TMEM117: variants seen among roughly 807,000 people sequenced by gnomAD.
The protein encoded by TMEM117 is transmembrane protein 117.
In TMEM117, 27 loss-of-function variants were observed where a neutral mutation model predicts 52.4. That is an observed-to-expected ratio of 0.51 (90% CI 0.38 to 0.71). TMEM117 has a LOEUF of 0.71. Ranked by LOEUF, TMEM117 falls within the 30% of genes least tolerant of loss-of-function variation. TMEM117 has a pLI of 0.00. For missense variants in TMEM117, 556 were observed against 630.5 expected (o/e 0.88, Z 1.26); for synonymous variants, 215 against 206.3 (o/e 1.04, Z -0.36).
intron 6 of TMEM117, among the ~76,000 whole-genome samples, chr12:44,354,106 A>G (rs1009945760): frequency 2.0e-5 from 3 of 151,804 alleles, no homozygotes; most frequent in African/African-American, 4.8e-5. Context: ...TCTGTTATTG[A>G]TGTATAAGAA....
chr12:43,808,234 T>G, the TMEM117 span, among the ~76,000 whole-genome samples: 1 of 152,244 alleles, frequency 6.6e-6, no homozygotes, highest in African/African-American at 2.4e-5. Flanking sequence ...AAGATCTCTC[T>G]GCTTGTGCAG....
At chr12:44,208,121 G>T (rs1451985894) in intron 4 of TMEM117, among the ~76,000 whole-genome samples, 1 of 149,542 alleles carries the variant, frequency 6.7e-6, no homozygotes, top group African/African-American at 2.5e-5. Flanking sequence ...GGAAAGCAAA[G>T]ATTTCACTTA....
chr12:44,119,585 G>A (rs911595707), intron 3 of TMEM117, among the ~76,000 whole-genome samples: 1 of 152,110 alleles, frequency 6.6e-6, no homozygotes, highest in African/African-American at 2.4e-5. Flanking sequence ...GTTGTCCTTT[G>A]TAGTGACTTC....
rs377650346 is a variant in TMEM117 at position 44,303,135 on chromosome 12, C to T, written c.768+3396C>T. On this transcript the variant is annotated intron_variant, in intron 6 of 7. Coordinates refer to ENST00000266534, the MANE Select transcript of TMEM117 (RefSeq NM_032256.3). ...CTCGGCTCACTGCAACCTCTGCCTC[C>T]TGGGTTCAAGCGATTCTCCTGCCTC... Among the ~76,000 whole-genome samples the T allele has an allele frequency of 5.3e-5, 8 of 152,080 alleles. No individual in the cohort carries two copies. The South Asian group carries it at 1.7e-3, about 32-fold the overall frequency.
chr12:44,099,873 G>A (rs575096502), intron 3 of TMEM117, among the ~76,000 whole-genome samples: 6 of 152,038 alleles, frequency 3.9e-5, no homozygotes, highest in African/African-American at 7.2e-5. Context: ...AGAAGCTATA[G>A]CAGATTGGTA....
At chr12:44,214,118 T>C (rs1483606884) in intron 5 of TMEM117, among the ~76,000 whole-genome samples, 1 of 150,920 alleles carries the variant, frequency 6.6e-6, no homozygotes, top group Non-Finnish European at 1.5e-5. Flanking sequence ...ATCACCAATG[T>C]CTTACAAATT....
At chr12:44,151,850 A>G (rs1404085381) in intron 4 of TMEM117, among the ~76,000 whole-genome samples, 1 of 137,098 alleles carries the variant, frequency 7.3e-6, no homozygotes, top group African/African-American at 2.7e-5. Context: ...TATATATAAT[A>G]TATAATATTA....
At chr12:44,143,856 G>T (rs138917718) in intron 4 of TMEM117, among the ~76,000 whole-genome samples, 116 of 152,132 alleles carry the variant, frequency 7.6e-4, no homozygotes, top group African/African-American at 2.7e-3. Flanking sequence ...TCTGTCGATC[G>T]ATCTATCTAT....
intron 2 of TMEM117, among the ~76,000 whole-genome samples, chr12:43,882,235 G>A (rs1042473310): frequency 6.6e-5 from 10 of 151,970 alleles, no homozygotes; most frequent in Non-Finnish European, 1.2e-4. Flanking sequence ...CAAGGCGGGC[G>A]GATCACCTGA....
chr12:44,126,308 A>G (rs1257365839), intron 3 of TMEM117, among the ~76,000 whole-genome samples: 3 of 152,202 alleles, frequency 2.0e-5, no homozygotes, highest in African/African-American at 7.2e-5. Flanking sequence ...GGTCAACTGT[A>G]TGTGCTTTTA....
chr12:44,087,033 A>T, intron 3 of TMEM117, among the ~76,000 whole-genome samples: 1 of 147,944 alleles, frequency 6.8e-6, no homozygotes, highest in East Asian at 1.9e-4. Flanking sequence ...ATTATAAATT[A>T]TATAATTATA....
intron 3 of TMEM117, among the ~76,000 whole-genome samples, chr12:43,967,599 G>C (rs1333557683): frequency 6.6e-6 from 1 of 152,122 alleles, no homozygotes; most frequent in East Asian, 1.9e-4. Flanking sequence ...CCTGAGGCCT[G>C]CCAACAACCT....
chr12:44,340,294 A>G (rs1338402500), intron 6 of TMEM117, among the ~76,000 whole-genome samples: 1 of 152,148 alleles, frequency 6.6e-6, no homozygotes, highest in Non-Finnish European at 1.5e-5. Flanking sequence ...AAAGTTGATT[A>G]ATATAAATGG....
the TMEM117 span, among the ~76,000 whole-genome samples, chr12:43,825,297 C>T: frequency 6.6e-6 from 1 of 152,164 alleles, no homozygotes; most frequent in South Asian, 2.1e-4. Flanking sequence ...GGCTGGCCTA[C>T]CTGCTTTTAA....
intron 6 of TMEM117, among the ~76,000 whole-genome samples, chr12:44,359,576 C>T (rs1043314829): frequency 3.3e-5 from 5 of 151,860 alleles, no homozygotes; most frequent in Non-Finnish European, 7.4e-5. Context: ...CTCTTTTCTA[C>T]CAAAAGGCAG....
chr12:43,928,189 G>A (rs1352865704), intron 2 of TMEM117, among the ~76,000 whole-genome samples: 1 of 151,990 alleles, frequency 6.6e-6, no homozygotes, highest in African/African-American at 2.4e-5. Context: ...TCTCTAGAAC[G>A]TTTTAACTGT....
intron 3 of TMEM117, 131 bp from the exon 4 acceptor site, chr12:44,143,394 A>G (rs1948596858): frequency 3.6e-6 from 2 of 558,324 alleles, no homozygotes; most frequent in Non-Finnish European, 6.2e-6. Context: ...ATTTGTAAGC[A>G]TATGTGATGG....
At chr12:44,374,830 A>G (rs907336735) in intron 6 of TMEM117, among the ~76,000 whole-genome samples, 1 of 152,118 alleles carries the variant, frequency 6.6e-6, no homozygotes, top group Non-Finnish European at 1.5e-5. Flanking sequence ...CACTTGCCCA[A>G]TTACTACCAA....
intron 6 of TMEM117, among the ~76,000 whole-genome samples, chr12:44,306,020 G>C (rs1054050090): frequency 1.3e-5 from 2 of 152,130 alleles, no homozygotes; most frequent in Admixed American, 1.3e-4. Flanking sequence ...AATTAACAGA[G>C]GGACAGAAAA....
Sources: allele counts gnomAD v4.1 joint callset (sites outside exome capture counted in the v4.1 genomes callset), GRCh38; gene constraint gnomAD v4.1.1; transcripts MANE v1.5; gene names NCBI Gene and HGNC (gene_info 2026-07-23, HGNC 2026-07-21).